The following RPS6KC1 variants were observed in gnomAD, a reference collection of about 807,000 sequenced individuals.
The protein encoded by RPS6KC1 is ribosomal protein S6 kinase C1.
RPS6KC1 carries 54 observed loss-of-function variants against 103.8 expected under a neutral mutation model. The observed-to-expected ratio is 0.52, with a 90% CI of 0.42 to 0.65. The LOEUF is 0.65. Ranked by LOEUF, RPS6KC1 falls within the 30% of genes least tolerant of loss-of-function variation. The pLI is 0.00. For missense variants in RPS6KC1, 1,151 were observed against 1,253.8 expected (o/e 0.92, Z 1.24); for synonymous variants, 439 against 438.7 (o/e 1.00, Z -0.01).
the RPS6KC1 span, among the ~76,000 whole-genome samples, chr1:213,433,139 A>T: frequency 6.6e-6 from 1 of 152,126 alleles, no homozygotes; most frequent in Non-Finnish European, 1.5e-5. Flanking sequence ...GGCCTTTTCC[A>T]GTTTCTAGAG....
chr1:213,487,530 T>A, the RPS6KC1 span, among the ~76,000 whole-genome samples: 1 of 152,156 alleles, frequency 6.6e-6, no homozygotes, highest in Non-Finnish European at 1.5e-5. Flanking sequence ...GATGATGCCA[T>A]TTCTTAGCTC....
At chr1:213,753,753 C>T in the RPS6KC1 span, among the ~76,000 whole-genome samples, 1 of 152,178 alleles carries the variant, frequency 6.6e-6, no homozygotes, top group Non-Finnish European at 1.5e-5. Flanking sequence ...TGCTCCTCCC[C>T]GACTTCAACT....
At chr1:213,380,125 T>C in the RPS6KC1 span, among the ~76,000 whole-genome samples, 7 of 152,198 alleles carry the variant, frequency 4.6e-5, no homozygotes, top group Admixed American at 6.5e-5. Flanking sequence ...ATATATACAC[T>C]ATGAAATACT....
chr1:213,514,107 T>C, the RPS6KC1 span, among the ~76,000 whole-genome samples: 2 of 152,254 alleles, frequency 1.3e-5, no homozygotes, highest in African/African-American at 4.8e-5. Flanking sequence ...CCTAGACTAT[T>C]TTGACAAATT....
At chr1:213,586,211 A>G in the RPS6KC1 span, among the ~76,000 whole-genome samples, 1 of 152,190 alleles carries the variant, frequency 6.6e-6, no homozygotes, top group African/African-American at 2.4e-5. Context: ...ACATTACATT[A>G]CAAGAGGATC....
rs11120108 is a variant in RPS6KC1, at chr1:213,249,736, A to T, written c.2911+7078A>T. Among the ~76,000 whole-genome samples the T allele has an allele frequency of 2.3e-3, 349 of 152,328 alleles. 8 individuals carry two copies. The East Asian group carries it at 0.056, about 24-fold the overall frequency. On this transcript the variant is annotated intron_variant, in intron 12 of 14. Transcript: ENST00000366960. ...AGAAATACAGGGTGAGAGAGTAAGC[A>T]AGATTGTTTACAGCTCAGAATTATA...
At chr1:213,524,603 A>C in the RPS6KC1 span, among the ~76,000 whole-genome samples, 1 of 152,174 alleles carries the variant, frequency 6.6e-6, no homozygotes, top group East Asian at 1.9e-4. Flanking sequence ...AGTCTCAAAA[A>C]CCAAAGTACA....
In RPS6KC1 at chr1:213,242,567, A is replaced by G. The variant is rs777571553; in HGVS notation, c.2822-2A>G. Reference sequence around the variant, plus strand: ...TGATTTCTCCTGTCGTTTTGTTTTTAGGACACATTCAGCTAACGTATTTTA... The same window carrying G: ...TGATTTCTCCTGTCGTTTTGTTTTTGGGACACATTCAGCTAACGTATTTTA... On this transcript the variant is annotated splice_acceptor_variant, in intron 11 of 14. Transcript: ENST00000366960. LOFTEE classifies it high-confidence loss of function. 1 of 1,546,864 alleles carries G rather than the reference A, an allele frequency of 6.5e-7. No homozygotes were observed. The highest frequency in any genetic ancestry group is 1.4e-5 in the African/African-American group (1 of 72,922).
the RPS6KC1 span, among the ~76,000 whole-genome samples, chr1:213,626,032 T>C: frequency 1.3e-5 from 2 of 152,186 alleles, no homozygotes; most frequent in Non-Finnish European, 2.9e-5. Context: ...TTGAAGTAGT[T>C]CACAGTCCCA....
At chr1:213,862,239 G>C in the RPS6KC1 span, among the ~76,000 whole-genome samples, 1 of 152,220 alleles carries the variant, frequency 6.6e-6, no homozygotes, top group Non-Finnish European at 1.5e-5. Flanking sequence ...AAATGAAGAG[G>C]ATCGTGCGGC....
At chr1:213,114,576 A>C (rs1301868487) in intron 4 of RPS6KC1, among the ~76,000 whole-genome samples, 2 of 151,904 alleles carry the variant, frequency 1.3e-5, no homozygotes, top group East Asian at 1.9e-4. Context: ...TGCCCTGGCC[A>C]GAACTTCCAA....
the RPS6KC1 span, chr1:213,819,150 T>C: frequency 6.6e-6 from 1 of 152,128 alleles, no homozygotes; most frequent in African/African-American, 2.4e-5. Flanking sequence ...AAATAGAGAC[T>C]GAAAGAGATT....
At chr1:213,197,770 C>T (rs1340960190) in intron 8 of RPS6KC1, among the ~76,000 whole-genome samples, 1 of 152,124 alleles carries the variant, frequency 6.6e-6, no homozygotes, top group Non-Finnish European at 1.5e-5. Context: ...TAAGTAGTTA[C>T]TCCTGCTTAC....
the RPS6KC1 span, among the ~76,000 whole-genome samples, chr1:213,714,455 G>A: frequency 1.2e-4 from 19 of 152,218 alleles, no homozygotes; most frequent in South Asian, 4.1e-4. Flanking sequence ...TTGGTTGTTC[G>A]TTTATACGTA....
the RPS6KC1 span, among the ~76,000 whole-genome samples, chr1:213,414,689 T>A: frequency 6.6e-6 from 1 of 152,034 alleles, no homozygotes; most frequent in African/African-American, 2.4e-5. Context: ...TGGTTTGAGG[T>A]CATTTGTTAT....
intron 6 of RPS6KC1, among the ~76,000 whole-genome samples, chr1:213,133,114 T>A (rs1427643491): frequency 6.6e-6 from 1 of 152,180 alleles, no homozygotes; most frequent in Non-Finnish European, 1.5e-5. Flanking sequence ...GTTCTTGGAA[T>A]GAAAGGACTG....
the RPS6KC1 span, among the ~76,000 whole-genome samples, chr1:213,315,486 T>C: frequency 6.6e-6 from 1 of 152,252 alleles, no homozygotes; most frequent in Admixed American, 6.5e-5. Context: ...CACATAGATA[T>C]TAAGGGCTAT....
the RPS6KC1 span, among the ~76,000 whole-genome samples, chr1:213,659,457 T>C: frequency 6.6e-6 from 1 of 152,226 alleles, no homozygotes; most frequent in African/African-American, 2.4e-5. Context: ...GATTTCTTCT[T>C]TTCAGACTGT....
chr1:213,796,859 C>A, the RPS6KC1 span, among the ~76,000 whole-genome samples: 10 of 152,324 alleles, frequency 6.6e-5, no homozygotes, highest in East Asian at 1.9e-3. Flanking sequence ...CCCATCCTCT[C>A]GCCCCCATGC....
Sources: allele counts gnomAD v4.1 joint callset (sites outside exome capture counted in the v4.1 genomes callset), GRCh38; gene constraint gnomAD v4.1.1; transcripts MANE v1.5; gene names NCBI Gene and HGNC (gene_info 2026-07-23, HGNC 2026-07-21).